MBTD1: variants seen among roughly 807,000 people sequenced by gnomAD.
The protein encoded by MBTD1 is mbt domain containing 1, also known as MBT domain-containing protein 1.
A neutral mutation model predicts 87.8 loss-of-function variants in MBTD1; 24 were observed. The observed-to-expected ratio is 0.27, with a 90% CI of 0.20 to 0.38. MBTD1 has a LOEUF of 0.38. MBTD1 is among the 10% of genes least tolerant of loss of function. The pLI is 1.00. For synonymous variants in MBTD1, 237 were observed against 248.6 expected (o/e 0.95, Z 0.44); for missense variants, 436 against 760.2 (o/e 0.57, Z 5.02).
intron 3 of MBTD1, among the ~76,000 whole-genome samples, chr17:51,221,989 A>C (rs531377821): frequency 6.6e-6 from 1 of 152,306 alleles, no homozygotes; most frequent in East Asian, 1.9e-4. Context: ...ATCTACTGGG[A>C]GAGAAAACTA....
intron 2 of MBTD1, chr17:51,250,654 T>A (rs2144193270): frequency 6.6e-6 from 1 of 152,364 alleles, no homozygotes; most frequent in Non-Finnish European, 1.5e-5. Flanking sequence ...ATTCTTTGCA[T>A]CTTTACAGTC....
At chr17:51,256,593 T>G (rs2055102529) in intron 2 of MBTD1, 1 of 152,200 alleles carries the variant, frequency 6.6e-6, no homozygotes, top group Non-Finnish European at 1.5e-5. Flanking sequence ...TAGAAAACAG[T>G]GTTCTATGTG....
chr17:51,190,770 T>TATATATATATAA lies in MBTD1; in HGVS notation c.1768+1432_1768+1433insTTATATATATAT, dbSNP rs1360538089. On this transcript the variant is annotated intron_variant, in intron 16 of 16. Coordinates refer to ENST00000586178, the MANE Select transcript of MBTD1 (RefSeq NM_017643.3). ...AAAAAAATATATATATATATATATA[T>TATATATATATAA]AACCTTATCTAAGAATGAAATGAAA... Among the ~76,000 whole-genome samples the TATATATATATAA allele has an allele frequency of 6.2e-4, 69 of 111,926 alleles. 1 individual carries two copies. Among genetic ancestry groups the TATATATATATAA allele is most frequent in the African/African-American group, 2.5e-3 (68 of 26,962 alleles). The allele number at this position is 111,926 out of a possible 152,430, so 73.4% of individuals were successfully genotyped here.
intron 6 of MBTD1, among the ~76,000 whole-genome samples, chr17:51,212,004 CA>C (rs770481487): frequency 2.0e-5 from 3 of 151,886 alleles, no homozygotes; most frequent in Non-Finnish European, 2.9e-5. Flanking sequence ...ATAGGTCAGG[CA>C]AAAGAAAGAG....
At chr17:51,216,626 C>T (rs552390597) in intron 6 of MBTD1, among the ~76,000 whole-genome samples, 2 of 152,164 alleles carry the variant, frequency 1.3e-5, no homozygotes, top group South Asian at 2.1e-4. Context: ...AAAGATCCTT[C>T]CTCTTCTGAA....
At chr17:51,195,585 C>T (rs2051052578) in intron 12 of MBTD1, among the ~76,000 whole-genome samples, 1 of 152,106 alleles carries the variant, frequency 6.6e-6, no homozygotes. Context: ...TATAACTGAC[C>T]TCAGAGGTCT....
At chr17:51,251,292 T>A (rs2054766647) in intron 2 of MBTD1, 1 of 152,192 alleles carries the variant, frequency 6.6e-6, no homozygotes, top group Non-Finnish European at 1.5e-5. Context: ...AAGTTCAGTT[T>A]TTTTCTTTTC....
chr17:51,215,377 A>C (rs1252954027), intron 6 of MBTD1, among the ~76,000 whole-genome samples: 1 of 152,214 alleles, frequency 6.6e-6, no homozygotes, highest in African/African-American at 2.4e-5. Context: ...AGAAAACAAA[A>C]TGTTATGCTT....
chr17:51,257,815 G>A (rs951665532), intron 2 of MBTD1, among the ~76,000 whole-genome samples: 2 of 152,022 alleles, frequency 1.3e-5, no homozygotes, highest in African/African-American at 2.4e-5. Flanking sequence ...AGATTTAGAG[G>A]AAATATTTTA....
intron 2 of MBTD1, among the ~76,000 whole-genome samples, chr17:51,231,771 G>A (rs62060084): frequency 0.15 from 23,266 of 151,484 alleles, 2,012 homozygotes; most frequent in Admixed American, 0.23. Context: ...TAGTTCATAA[G>A]CTTTATTCTA....
intron 6 of MBTD1, among the ~76,000 whole-genome samples, chr17:51,208,381 A>G (rs931338258): frequency 7.2e-5 from 11 of 152,162 alleles, no homozygotes; most frequent in African/African-American, 2.7e-4. Context: ...AAAATAATAT[A>G]TTCATTGTGA....
intron 7 of MBTD1, among the ~76,000 whole-genome samples, chr17:51,205,455 A>G (rs1173980649): frequency 6.6e-6 from 1 of 152,248 alleles, no homozygotes; most frequent in Non-Finnish European, 1.5e-5. Flanking sequence ...CAGGGCAAAA[A>G]TAATATGCTG....
At chr17:51,221,701 C>T (rs2052901673) in intron 3 of MBTD1, among the ~76,000 whole-genome samples, 1 of 152,102 alleles carries the variant, frequency 6.6e-6, no homozygotes, top group Non-Finnish European at 1.5e-5. Flanking sequence ...ATTCTCTAAA[C>T]AGTATAGTAT....
At chr17:51,183,916 T>C (rs2050425152) in intron 16 of MBTD1, 1 of 152,182 alleles carries the variant, frequency 6.6e-6, no homozygotes, top group Admixed American at 6.5e-5. Context: ...GCTAAATGAA[T>C]GAGAAAAGAA....
chr17:51,217,454 A>C (rs1322292775), intron 5 of MBTD1, 38 bp from the exon 6 acceptor site: 1 of 974,584 alleles, frequency 1.0e-6, no homozygotes, highest in Non-Finnish European at 1.5e-6. Flanking sequence ...ATAATTCTCA[A>C]ATCTTTTATT....
intron 12 of MBTD1, among the ~76,000 whole-genome samples, chr17:51,197,065 T>G (rs374031916): frequency 0.013 from 22 of 1,644 alleles, 2 homozygotes; most frequent in Admixed American, 0.015. Context: ...TATATATATA[T>G]ATATATATAT....
intron 12 of MBTD1, among the ~76,000 whole-genome samples, chr17:51,200,009 T>A (rs755183619): frequency 4.6e-5 from 7 of 152,078 alleles, no homozygotes; most frequent in Non-Finnish European, 8.8e-5. Flanking sequence ...GTAGTTTTAG[T>A]AGAGACAGGG....
At chr17:51,258,545 G>A (rs1340621787) in intron 2 of MBTD1, among the ~76,000 whole-genome samples, 1 of 151,558 alleles carries the variant, frequency 6.6e-6, no homozygotes. Context: ...TGGAAGAGAG[G>A]CCCTTGGAGG....
chr17:51,254,611 C>A (rs1485259345), intron 2 of MBTD1, among the ~76,000 whole-genome samples: 1 of 152,188 alleles, frequency 6.6e-6, no homozygotes, highest in Non-Finnish European at 1.5e-5. Flanking sequence ...ATTTCTACCT[C>A]TTTGGGTTCA....
Sources: allele counts gnomAD v4.1 joint callset (sites outside exome capture counted in the v4.1 genomes callset), GRCh38; gene constraint gnomAD v4.1.1; transcripts MANE v1.5; gene names NCBI Gene and HGNC (gene_info 2026-07-23, HGNC 2026-07-21).